Variants in LRIG3 observed in about 807,000 individuals in gnomAD.
The protein encoded by LRIG3 is leucine-rich repeats and immunoglobulin-like domains protein 3.
In LRIG3, 76 loss-of-function variants were observed where a neutral mutation model predicts 114.5. The ratio of observed to expected loss-of-function variants is 0.66; its 90% CI spans 0.55 to 0.80. The LOEUF (loss-of-function observed/expected upper bound fraction) is 0.80. Ranked by LOEUF, LRIG3 falls within the 30% of genes least tolerant of loss-of-function variation. The pLI is 0.00. For missense variants in LRIG3, 1,239 were observed against 1,382.8 expected (o/e 0.90, Z 1.65); for synonymous variants, 512 against 519.8 (o/e 0.98, Z 0.20).
intron 3 of LRIG3, among the ~76,000 whole-genome samples, chr12:58,891,709 A>G (rs1871461619): frequency 6.6e-6 from 1 of 152,222 alleles, no homozygotes; most frequent in African/African-American, 2.4e-5. Flanking sequence ...AGCCCTTTCA[A>G]TAGTACAAAA....
intron 2 of LRIG3, 104 bp from the exon 3 acceptor site, chr12:58,914,160 A>G: frequency 2.7e-6 from 4 of 1,508,626 alleles, no homozygotes; most frequent in Non-Finnish European, 3.6e-6. Context: ...ACCCAAGTTA[A>G]AAGTTTTGAA....
At chr12:58,896,335 CCTTCATGCTCTCTT>C (rs1210455086) in intron 3 of LRIG3, among the ~76,000 whole-genome samples, 1 of 152,126 alleles carries the variant, frequency 6.6e-6, no homozygotes, top group Non-Finnish European at 1.5e-5. Flanking sequence ...CTCAAAAGAA[CCTTCATGCTCTCTT>C]AAGTGGATAT....
intron 3 of LRIG3, among the ~76,000 whole-genome samples, chr12:58,896,254 T>G (rs1287886839): frequency 6.6e-6 from 1 of 152,230 alleles, no homozygotes. Flanking sequence ...ATGAGGTTAG[T>G]GATATGACCA....
At chr12:58,919,317 G>T in intron 1 of LRIG3, 1 of 1,462,238 alleles carries the variant, frequency 6.8e-7, no homozygotes, top group Non-Finnish European at 9.3e-7. Context: ...AACCGTCTGG[G>T]CGTTCTGAGG....
chr12:58,880,658 C>T lies in LRIG3; in HGVS notation c.1724G>A (p.Ser575Asn), dbSNP rs1871095236. 1 of 1,614,234 alleles carries T rather than the reference C, an allele frequency of 6.2e-7. No homozygotes were observed. The highest frequency in any genetic ancestry group is 8.5e-7 in the Non-Finnish European group (1 of 1,180,040). Residue 575 changes from serine (S) to asparagine (N), a missense_variant, in exon 13 of 19, where the codon AGT becomes AAT. Ser to Asn is a conservative substitution (Grantham distance 46). Transcript: ENST00000320743. ...ILRLREVEFA[S>N]EGKYQCVISN... Reference sequence around the variant, plus strand: ...GATGACACACTGATATTTCCCCTCACTGGCAAATTCCACCTCGCGCAGCCG... The same window carrying T: ...GATGACACACTGATATTTCCCCTCATTGGCAAATTCCACCTCGCGCAGCCG...
Position 58,876,606 on chromosome 12 carries a change from GTAA to G in LRIG3, c.2537-6_2537-4del. 2 of 1,614,064 alleles carry G rather than the reference GTAA, an allele frequency of 1.2e-6. No homozygotes were observed. Among genetic ancestry groups the G allele is most frequent in the Non-Finnish European group, 1.7e-6 (2 of 1,179,976 alleles). ...ATCTGCTGGCAAGTTGGTCTCATCTGTAATAAAACAGCAGCATTTTATTAACCA... is the reference window on the plus strand; with the variant it reads ...ATCTGCTGGCAAGTTGGTCTCATCTGTAAAACAGCAGCATTTTATTAACCA... On this transcript the variant is annotated splice_region_variant and splice_polypyrimidine_tract_variant and intron_variant, in intron 15 of 18. Transcript: ENST00000320743.
chr12:58,879,477 G>A (rs913787386), intron 13 of LRIG3, among the ~76,000 whole-genome samples: 2 of 151,652 alleles, frequency 1.3e-5, no homozygotes, highest in East Asian at 3.9e-4. Context: ...TTTTTTTAAA[G>A]TCTCTCCTGG....
intron 1 of LRIG3, chr12:58,919,515 G>A (rs1043782785): frequency 2.6e-6 from 4 of 1,551,198 alleles, no homozygotes; most frequent in Non-Finnish European, 3.5e-6. Flanking sequence ...TGTTGAGGGG[G>A]CTTCCCAAAT....
chr12:58,898,210 C>T lies in LRIG3; in HGVS notation c.384-7414G>A, dbSNP rs1014178713. Among the ~76,000 whole-genome samples the T allele has an allele frequency of 2.6e-5, 4 of 151,924 alleles. No individual in the cohort carries two copies. The East Asian group carries it at 5.8e-4, about 22-fold the overall frequency. ...GACACAGTAACTCAAACTACAGCTCCCCAGAGAGGAGATTTAGATTCTATT... is the reference window on the plus strand; with the variant it reads ...GACACAGTAACTCAAACTACAGCTCTCCAGAGAGGAGATTTAGATTCTATT... On this transcript the variant is annotated intron_variant, in intron 3 of 18. Coordinates refer to ENST00000320743, the MANE Select transcript of LRIG3 (RefSeq NM_153377.5).
At chr12:58,886,272 C>T (rs1468650051) in intron 9 of LRIG3, among the ~76,000 whole-genome samples, 1 of 151,976 alleles carries the variant, frequency 6.6e-6, no homozygotes, top group Non-Finnish European at 1.5e-5. Context: ...TCTGTGGATA[C>T]CTTCCATCCA....
chr12:58,889,388 T>C (rs1258612104), intron 5 of LRIG3, among the ~76,000 whole-genome samples: 1 of 152,222 alleles, frequency 6.6e-6, no homozygotes, highest in East Asian at 1.9e-4. Context: ...TTAGGTTTAA[T>C]GCTTTCTCTT....
intron 3 of LRIG3, among the ~76,000 whole-genome samples, chr12:58,892,343 A>G (rs1565618413): frequency 6.6e-6 from 1 of 152,258 alleles, no homozygotes; most frequent in Non-Finnish European, 1.5e-5. Context: ...TGTGTCTTAC[A>G]TAAGTCACAC....
chr12:58,907,965 A>C (rs1352499179), intron 3 of LRIG3, among the ~76,000 whole-genome samples: 2 of 152,184 alleles, frequency 1.3e-5, no homozygotes, highest in East Asian at 3.9e-4. Flanking sequence ...TGAAAGCTTC[A>C]AAACTGGAAA....
In LRIG3 at chr12:58,874,257, G is replaced by A; in HGVS notation, c.2913C>T (p.Tyr971=). The A allele has an allele frequency of 6.2e-7, 1 of 1,614,124 alleles. No individual in the cohort carries two copies. ...EPSYIKKKEC[Y]PCSHPSEESC... ...ATTCTTCTGAAGGATGAGAACATGGGTAGCACTCCTTTTTCTTTATGTAAC... is the reference window on the plus strand; with the variant it reads ...ATTCTTCTGAAGGATGAGAACATGGATAGCACTCCTTTTTCTTTATGTAAC... Residue 971 remains tyrosine (Y), a synonymous_variant, in exon 18 of 19, where the codon TAC becomes TAT. Transcript: ENST00000320743.
chr12:58,881,234 T>A lies in LRIG3; in HGVS notation c.1481-333A>T, dbSNP rs575765032. 1.3e-4 allele frequency among the ~76,000 whole-genome samples: 20 copies of A among 152,272 alleles called. No individual in the cohort carries two copies. The South Asian group carries it at 4.1e-3, about 32-fold the overall frequency. Reference sequence around the variant, plus strand: ...AGAAGAAGAAAGCAGTTTAAAAACTTCCAGGCTCAGGGATCATTTTTGAAT... The same window carrying A: ...AGAAGAAGAAAGCAGTTTAAAAACTACCAGGCTCAGGGATCATTTTTGAAT... On this transcript the variant is annotated intron_variant, in intron 12 of 18. Transcript: ENST00000320743.
At chr12:58,897,086 C>T (rs985682372) in intron 3 of LRIG3, among the ~76,000 whole-genome samples, 1 of 152,162 alleles carries the variant, frequency 6.6e-6, no homozygotes, top group Admixed American at 6.5e-5. Context: ...GAACTCCTCT[C>T]ATATAGATAA....
chr12:58,897,317 G>C (rs1871679059), intron 3 of LRIG3, among the ~76,000 whole-genome samples: 1 of 152,090 alleles, frequency 6.6e-6, no homozygotes, highest in African/African-American at 2.4e-5. Flanking sequence ...AAAAAGTCAG[G>C]TCAACATAAA....
In LRIG3 at chr12:58,877,845, T is replaced by C. The variant is rs1870982509; in HGVS notation, c.2091A>G (p.Pro697=). 5 of 1,596,852 alleles carry C rather than the reference T, an allele frequency of 3.1e-6. No homozygotes were observed. Among genetic ancestry groups the C allele is most frequent in the African/African-American group, 2.7e-5 (2 of 74,668 alleles). ...GGTCCAACAGTGGCCGCAAAAATGA[T>C]GGTGTTTCTGAAATAACAAGTTATG... ...ANATLTVLET[P]SFLRPLLDRT... is the part of the protein sequence containing the mutation. Residue 697 remains proline, a synonymous_variant, in exon 15 of 19, where the codon CCA becomes CCG. Coordinates refer to ENST00000320743, the MANE Select transcript of LRIG3 (RefSeq NM_153377.5).
intron 5 of LRIG3, among the ~76,000 whole-genome samples, chr12:58,889,227 T>C (rs962457693): frequency 6.6e-6 from 1 of 152,214 alleles, no homozygotes; most frequent in African/African-American, 2.4e-5. Context: ...CCACTCAGTA[T>C]AGACACAAAC....
Sources: gnomAD v4.1 joint callset for allele counts (sites outside exome capture counted in the v4.1 genomes callset) on GRCh38, gnomAD v4.1.1 for gene constraint, MANE v1.5 for transcripts, NCBI Gene and HGNC (gene_info 2026-07-23, HGNC 2026-07-21) for gene names.